CSF1: variants seen among roughly 807,000 people sequenced by gnomAD.
CSF1 encodes colony stimulating factor 1.
In CSF1, 9 loss-of-function variants were observed where a neutral mutation model predicts 48.9. That is an observed-to-expected ratio of 0.18 (90% CI 0.11 to 0.32). CSF1 has a LOEUF of 0.32. Among genes scored for constraint, CSF1 ranks in the 10% least tolerant of loss-of-function variants. The pLI, the probability that CSF1 is intolerant of heterozygous loss-of-function variation, is 1.00. For missense variants in CSF1, 672 were observed against 697.9 expected (o/e 0.96, Z 0.42); for synonymous variants, 305 against 284.1 (o/e 1.07, Z -0.74).
At chr1:109,915,323 C>T (rs988057770) in intron 2 of CSF1, among the ~76,000 whole-genome samples, 2 of 152,224 alleles carry the variant, frequency 1.3e-5, no homozygotes, top group Non-Finnish European at 2.9e-5. Flanking sequence ...AGGGTGCTCA[C>T]TGCCTCCAGG....
intron 8 of CSF1, among the ~76,000 whole-genome samples, chr1:109,927,363 G>A (rs535963763): frequency 6.6e-6 from 1 of 152,328 alleles, no homozygotes; most frequent in South Asian, 2.1e-4. Flanking sequence ...GAATCCTGGG[G>A]TCTACCTTGT....
intron 4 of CSF1, among the ~76,000 whole-genome samples, chr1:109,919,655 A>G (rs991335528): frequency 1.3e-5 from 2 of 152,106 alleles, no homozygotes; most frequent in Non-Finnish European, 2.9e-5. Flanking sequence ...AGTCTGATAC[A>G]CTGGGTTTAA....
intron 2 of CSF1, among the ~76,000 whole-genome samples, chr1:109,914,833 G>A (rs1264735340): frequency 3.3e-5 from 5 of 152,244 alleles, no homozygotes; most frequent in African/African-American, 4.8e-5. Flanking sequence ...GAGGGGAAGC[G>A]CTTGCCTAAC....
intron 3 of CSF1, 50 bp downstream of exon 3, chr1:109,915,746 C>T (rs772937782): frequency 6.8e-7 from 1 of 1,466,724 alleles, no homozygotes; most frequent in Non-Finnish European, 9.6e-7. Context: ...CATGCAACTC[C>T]CAGGGTGGGG....
chr1:109,923,522 A>T lies in CSF1; in HGVS notation c.901A>T (p.Thr301Ser), dbSNP rs1647672866. 6.2e-7 allele frequency: 1 copy of T among 1,614,114 alleles called. No homozygotes were observed. Among genetic ancestry groups the T allele is most frequent in the African/African-American group, 1.3e-5 (1 of 75,032 alleles). ...GGATATTCTTGACTCTGCAATGGGC[A>T]CTAATTGGGTCCCAGAAGAAGCCTC... The part of the protein sequence containing the change: ...MEDILDSAMG[T>S]NWVPEEASGE... The change falls in exon 6 of 9, where the codon ACT becomes TCT. Residue 301 changes from threonine (T) to serine (S), a missense_variant. By Grantham distance (58) the Thr-to-Ser change is moderately conservative. Transcript: ENST00000329608.
At chr1:109,921,797 C>A in intron 4 of CSF1, 50 bp from the exon 5 acceptor site, 1 of 1,486,414 alleles carries the variant, frequency 6.7e-7, no homozygotes, top group South Asian at 1.4e-5. Flanking sequence ...AAGATGGAGA[C>A]ATGGGGCCAA....
chr1:109,923,307 C>A lies in CSF1; in HGVS notation c.686C>A (p.Thr229Asn). The stretch of plus-strand genomic sequence containing the variant: ...TTGACCTGGGAGGACTCTGAGGGAA[C>A]TGAGGGCAGCTCCCTCTTGCCTGGT... ...AGLTWEDSEG[T>N]EGSSLLPGEQ... Residue 229 changes from threonine (T) to asparagine (N), a missense_variant, in exon 6 of 9, where the codon ACT becomes AAT. Around this residue, in one of 3 missense-constraint regions of CSF1, gnomAD observed 591 missense variants for 593.6 expected, o/e 1.00. Transcript: ENST00000329608. 9.3e-6 allele frequency: 15 copies of A among 1,612,832 alleles called. No individual in the cohort carries two copies. The highest frequency in any genetic ancestry group is 1.3e-5 in the Non-Finnish European group (15 of 1,179,386).
Position 109,911,053 on chromosome 1 carries a change from C to G in CSF1, c.30C>G (p.Cys10Trp), listed in dbSNP as rs1654658406. The G allele has an allele frequency of 2.7e-6, 3 of 1,121,480 alleles. No homozygotes were observed. Among genetic ancestry groups the G allele is most frequent in the Non-Finnish European group, 3.3e-6 (3 of 918,304 alleles). The allele number at this position is 1,121,480 out of a possible 1,614,324, so 69.5% of individuals were successfully genotyped here. A position where few individuals can be genotyped will look rare whatever the true frequency, so the allele number is the denominator to read the frequency against. MTAPGAAGR[C>W]PPTTWLGSLL... is the part of the protein sequence containing the mutation. ...CCGCGCCGGGCGCCGCCGGGCGCTG[C>G]CCTCCCACGGTAAGCGACGGCCGCG... is the stretch of plus-strand genomic sequence containing the variant. Residue 10 changes from cysteine to tryptophan, a missense_variant, in exon 1 of 9, where the codon TGC becomes TGG. By Grantham distance (215) the Cys-to-Trp change is radical. This residue lies in a region of CSF1 where 53 missense variants were observed against 45.5 expected (regional missense o/e 1.17). Transcript: ENST00000329608.
At chr1:109,925,852 C>T (rs1647823022) in intron 8 of CSF1, among the ~76,000 whole-genome samples, 1 of 152,196 alleles carries the variant, frequency 6.6e-6, no homozygotes, top group Non-Finnish European at 1.5e-5. Context: ...TGCCTAGCCA[C>T]AGCCCATGCC....
intron 8 of CSF1, chr1:109,926,263 A>G (rs566000898): frequency 6.6e-6 from 1 of 152,304 alleles, no homozygotes; most frequent in East Asian, 1.9e-4. Context: ...ACTGCATCAT[A>G]CTGTTGTCAT....
intron 8 of CSF1, chr1:109,926,409 G>A (rs934465863): frequency 2.6e-5 from 4 of 152,190 alleles, no homozygotes; most frequent in Non-Finnish European, 5.9e-5. Flanking sequence ...CTTTGTTAAA[G>A]CCACCTTGTT....
At chr1:109,917,174 T>G in intron 3 of CSF1, 119 bp from the exon 4 acceptor site, 2 of 1,020,970 alleles carry the variant, frequency 2.0e-6, no homozygotes, top group Non-Finnish European at 2.9e-6. Flanking sequence ...GTTGCTGGCA[T>G]GGTGTGGTCC....
In CSF1 at chr1:109,924,812, G is replaced by A. The variant is rs1374674053; in HGVS notation, c.1606G>A (p.Glu536Lys). The change falls in exon 7 of 9, where the codon GAG (glutamate) becomes AAG (lysine). Residue 536 changes from glutamate (E) to lysine (K), a missense_variant. Glu to Lys is a moderately conservative substitution (Grantham distance 56). Around this residue, in one of 3 missense-constraint regions of CSF1, gnomAD observed 591 missense variants for 593.6 expected, o/e 1.00. Coordinates refer to ENST00000329608, the MANE Select transcript of CSF1 (RefSeq NM_000757.6). Reference protein sequence around the residue: ...QEPQRADSPLEQPEGSPLTQD... With the variant: ...QEPQRADSPLKQPEGSPLTQD... Reference sequence around the variant, plus strand: ...GCCTCAGAGAGCGGATTCTCCCTTGGAGCAACCAGAGGGCAGGTGAGAGCT... The same window carrying A: ...GCCTCAGAGAGCGGATTCTCCCTTGAAGCAACCAGAGGGCAGGTGAGAGCT... 2.5e-6 allele frequency: 4 copies of A among 1,604,960 alleles called. No homozygotes were observed. The East Asian group carries it at 9.0e-5, about 36-fold the overall frequency.
At chr1:109,917,233 G>A (rs1250665133) in intron 3 of CSF1, 60 bp from the exon 4 acceptor site, 5 of 1,569,546 alleles carry the variant, frequency 3.2e-6, no homozygotes, top group South Asian at 1.2e-5. Flanking sequence ...CATCTGCCTG[G>A]GGTTGGGGGT....
chr1:109,915,535 C>T (rs1433219363), intron 2 of CSF1, 99 bp from the exon 3 acceptor site: 2 of 1,018,026 alleles, frequency 2.0e-6, no homozygotes, highest in Admixed American at 3.5e-5. Flanking sequence ...AGTTCAAACC[C>T]CAATCCACTC....
chr1:109,923,883 C>T lies in CSF1; in HGVS notation c.1262C>T (p.Ala421Val), dbSNP rs777821959. The T allele has an allele frequency of 4.0e-5, 65 of 1,614,000 alleles. No homozygotes were observed. Among genetic ancestry groups the T allele is most frequent in the Non-Finnish European group, 4.8e-5 (57 of 1,179,944 alleles). Reference sequence around the variant, plus strand: ...CTCAGCAACCCCTCCACCCTCTCTGCTCAGCCACAGCTTTCCAGAAGCCAC... The same window carrying T: ...CTCAGCAACCCCTCCACCCTCTCTGTTCAGCCACAGCTTTCCAGAAGCCAC... ...QGLSNPSTLS[A>V]QPQLSRSHSS... The change falls in exon 6 of 9, where the codon GCT becomes GTT. Residue 421 changes from alanine (A) to valine (V), a missense_variant. Transcript: ENST00000329608.
chr1:109,928,287 CAG>C (rs1647927453), intron 8 of CSF1, among the ~76,000 whole-genome samples: 1 of 152,192 alleles, frequency 6.6e-6, no homozygotes, highest in Admixed American at 6.5e-5. Context: ...TGCCAAATGA[CAG>C]TGTGGGAATT....
rs1454013430 is a variant in CSF1 at position 109,923,746 on chromosome 1, C to G, written c.1125C>G (p.Pro375=). 6.2e-7 allele frequency: 1 copy of G among 1,610,674 alleles called. No individual in the cohort carries two copies. Among genetic ancestry groups the G allele is most frequent in the Non-Finnish European group, 8.5e-7 (1 of 1,178,328 alleles). The change falls in exon 6 of 9, where the codon CCC becomes CCG. Residue 375 remains proline (P), a synonymous_variant. Coordinates refer to ENST00000329608, the MANE Select transcript of CSF1 (RefSeq NM_000757.6). ...TGCCCAGGGTGGGCCCCGTGAGGCCCACTGGCCAGGACTGGAATCACACCC... is the reference window on the plus strand; with the variant it reads ...TGCCCAGGGTGGGCCCCGTGAGGCCGACTGGCCAGGACTGGAATCACACCC... ...TALPRVGPVR[P]TGQDWNHTPQ...
intron 6 of CSF1, among the ~76,000 whole-genome samples, chr1:109,924,461 G>A (rs1321157812): frequency 6.6e-6 from 1 of 152,090 alleles, no homozygotes; most frequent in African/African-American, 2.4e-5. Context: ...ATATCCAGAC[G>A]GGCAGGGAGC....
Sources: gnomAD v4.1 joint callset for allele counts (sites outside exome capture counted in the v4.1 genomes callset) on GRCh38, gnomAD v4.1.1 for gene constraint, gnomAD v4.1.1 regional missense constraint, MANE v1.5 for transcripts, NCBI Gene and HGNC (gene_info 2026-07-23, HGNC 2026-07-21) for gene names.